CRACR2A: variants seen among roughly 807,000 people sequenced by gnomAD.
CRACR2A encodes the protein calcium release activated channel regulator 2A.
In CRACR2A, 79 loss-of-function variants were observed where a neutral mutation model predicts 90.5. The observed-to-expected ratio is 0.87, with a 90% CI of 0.73 to 1.05. CRACR2A has a LOEUF of 1.05. Among genes scored for constraint, CRACR2A ranks in the 50% least tolerant of loss-of-function variants. The pLI, the probability that CRACR2A is intolerant of heterozygous loss-of-function variation, is 0.00. For missense variants in CRACR2A, 823 were observed against 897.2 expected (o/e 0.92, Z 1.06); for synonymous variants, 338 against 356.7 (o/e 0.95, Z 0.59).
Position 3,616,834 on chromosome 12 carries a change from G to A in CRACR2A, c.2111+120C>T. The A allele has an allele frequency of 5.3e-6, 4 of 760,226 alleles. No individual in the cohort carries two copies. In the South Asian group the frequency reaches 6.6e-5, roughly 13 times the overall value. 47.1% of individuals were successfully genotyped at this position (760,226 alleles called of 1,614,324 possible). A position where few individuals can be genotyped will look rare whatever the true frequency, so the allele number is the denominator to read the frequency against. On this transcript the variant is annotated intron_variant, in intron 19 of 19. Coordinates refer to ENST00000440314, the MANE Select transcript of CRACR2A (RefSeq NM_001144958.2). ...CGTTGCCTATACTCAGAGGGCTCTGGCCAATAGGGAGGAAGGGGGGTCAGA... is the reference window on the plus strand; with the variant it reads ...CGTTGCCTATACTCAGAGGGCTCTGACCAATAGGGAGGAAGGGGGGTCAGA...
rs116380947 is a variant in CRACR2A, at chr12:3,635,153, G to A, written c.1603-1417C>T. On this transcript the variant is annotated intron_variant, in intron 14 of 19. Coordinates refer to ENST00000440314, the MANE Select transcript of CRACR2A (RefSeq NM_001144958.2). Reference sequence around the variant, plus strand: ...GAGCACTTTGATTTTGCAGGCAAAAGCCCATAGACACAGCAATGGCTCAGT... The same window carrying A: ...GAGCACTTTGATTTTGCAGGCAAAAACCCATAGACACAGCAATGGCTCAGT... 2.3e-3 allele frequency among the ~76,000 whole-genome samples: 352 copies of A among 152,262 alleles called. 3 individuals are homozygous for A. Among genetic ancestry groups the A allele is most frequent in the African/African-American group, 8.1e-3 (337 of 41,540 alleles).
chr12:3,644,052 A>T (rs1193729038), intron 12 of CRACR2A, among the ~76,000 whole-genome samples: 3 of 141,578 alleles, frequency 2.1e-5, no homozygotes, highest in African/African-American at 7.8e-5. Context: ...TACGACTCAT[A>T]TATATATATA....
At chr12:3,620,710 A>G (rs1944113806) in intron 17 of CRACR2A, among the ~76,000 whole-genome samples, 1 of 152,198 alleles carries the variant, frequency 6.6e-6, no homozygotes, top group Non-Finnish European at 1.5e-5. Flanking sequence ...AGTCTCTGCT[A>G]CTTAGTATCT....
At chr12:3,664,326 C>T (rs1209868966) in intron 7 of CRACR2A, among the ~76,000 whole-genome samples, 3 of 152,210 alleles carry the variant, frequency 2.0e-5, no homozygotes, top group Admixed American at 2.0e-4. Flanking sequence ...ATTCTATATT[C>T]GTCTCTAAAG....
At chr12:3,672,744 C>T (rs1338817481) in intron 7 of CRACR2A, 1 of 985,344 alleles carries the variant, frequency 1.0e-6, no homozygotes, top group Non-Finnish European at 1.2e-6. Flanking sequence ...TGTTCTGACT[C>T]TGGTTCAGTT....
intron 3 of CRACR2A, among the ~76,000 whole-genome samples, chr12:3,702,548 T>G (rs242000): frequency 0.79 from 119,561 of 152,034 alleles, 47,701 homozygotes; most frequent in Middle Eastern, 0.88. Context: ...CATTTGCAAT[T>G]GTATAAAAAT....
In CRACR2A at chr12:3,673,545, G is replaced by A. The variant is rs756598160; in HGVS notation, c.572C>T (p.Pro191Leu). 6.2e-7 allele frequency: 1 copy of A among 1,613,902 alleles called. No individual in the cohort carries two copies. Among genetic ancestry groups the A allele is most frequent in the Non-Finnish European group, 8.5e-7 (1 of 1,180,014 alleles). Residue 191 changes from proline (P) to leucine (L), a missense_variant, in exon 7 of 20, where the codon CCT becomes CTT. Coordinates refer to ENST00000440314, the MANE Select transcript of CRACR2A (RefSeq NM_001144958.2). The stretch of plus-strand genomic sequence containing the variant: ...GTCTTCAAAGTTGGACAGTAAATGA[G>A]GTTCCTCCTTCTTCAGCTGCAACCA... ...QLWLQLKKEE[P>L]HLLSNFEDFL...
At chr12:3,615,480 G>A in intron 19 of CRACR2A, 41 bp from the exon 20 acceptor site, 1 of 1,513,648 alleles carries the variant, frequency 6.6e-7, no homozygotes, top group Non-Finnish European at 8.9e-7. Flanking sequence ...TGGAGAAGTT[G>A]ATAGGCCCAG....
chr12:3,702,341 T>C (rs531353754), intron 3 of CRACR2A, among the ~76,000 whole-genome samples: 6 of 152,246 alleles, frequency 3.9e-5, no homozygotes, highest in Non-Finnish European at 8.8e-5. Flanking sequence ...TACATTCAGA[T>C]TGGAAAGGAA....
intron 2 of CRACR2A, among the ~76,000 whole-genome samples, chr12:3,722,800 G>A (rs1470647046): frequency 6.6e-6 from 1 of 152,150 alleles, no homozygotes; most frequent in African/African-American, 2.4e-5. Flanking sequence ...TCATGAAAAT[G>A]TTGATACAAC....
At chr12:3,730,029 A>T (rs1248311045) in intron 2 of CRACR2A, 1 of 152,224 alleles carries the variant, frequency 6.6e-6, no homozygotes, top group Non-Finnish European at 1.5e-5. Flanking sequence ...TCCACTTTTC[A>T]GCTCCCGAGA....
chr12:3,616,003 C>T (rs1220082031), intron 19 of CRACR2A, among the ~76,000 whole-genome samples: 2 of 152,256 alleles, frequency 1.3e-5, no homozygotes, highest in African/African-American at 4.8e-5. Flanking sequence ...CTTCTCTATA[C>T]TTTCCAAACG....
At chr12:3,737,468 A>G (rs977161380) in intron 1 of CRACR2A, among the ~76,000 whole-genome samples, 21 of 152,152 alleles carry the variant, frequency 1.4e-4, no homozygotes, top group African/African-American at 5.1e-4. Flanking sequence ...ACATGATCTG[A>G]TTTGCATTTT....
chr12:3,725,281 G>T (rs140365048), intron 2 of CRACR2A, among the ~76,000 whole-genome samples: 3 of 142,256 alleles, frequency 2.1e-5, no homozygotes, highest in African/African-American at 7.7e-5. Flanking sequence ...CTGGAGGCCA[G>T]AAGTCCTAAA....
chr12:3,734,655 A>ATGTGTGTGTG (rs1475033071), intron 1 of CRACR2A, among the ~76,000 whole-genome samples: 46 of 74,752 alleles, frequency 6.2e-4, no homozygotes, highest in African/African-American at 1.9e-3. Context: ...GTGTGTGTGC[A>ATGTGTGTGTG]TATACATAAT....
At chr12:3,648,249 G>T in intron 11 of CRACR2A, 1 of 1,297,608 alleles carries the variant, frequency 7.7e-7, no homozygotes, top group Non-Finnish European at 9.8e-7. Flanking sequence ...ACCCAGCTCT[G>T]CTCGCATGAG....
At chr12:3,664,229 G>A (rs948843229) in intron 7 of CRACR2A, among the ~76,000 whole-genome samples, 1 of 152,108 alleles carries the variant, frequency 6.6e-6, no homozygotes, top group Non-Finnish European at 1.5e-5. Flanking sequence ...GGAATCTATT[G>A]GTTATCTTTC....
chr12:3,636,687 C>G (rs1944459847), intron 14 of CRACR2A, among the ~76,000 whole-genome samples: 1 of 152,224 alleles, frequency 6.6e-6, no homozygotes, highest in Non-Finnish European at 1.5e-5. Flanking sequence ...CCACTGCCAG[C>G]AAGTGTAGGT....
At chr12:3,700,858 T>C (rs1945824544) in intron 3 of CRACR2A, among the ~76,000 whole-genome samples, 1 of 152,224 alleles carries the variant, frequency 6.6e-6, no homozygotes. Flanking sequence ...TCAACCATCT[T>C]GACTTAATTG....
Sources: gnomAD v4.1 joint callset for allele counts (sites outside exome capture counted in the v4.1 genomes callset) on GRCh38, gnomAD v4.1.1 for gene constraint, MANE v1.5 for transcripts, NCBI Gene and HGNC (gene_info 2026-07-23, HGNC 2026-07-21) for gene names.